RAD51B: variants seen among roughly 807,000 people sequenced by gnomAD.
RAD51B encodes the protein RAD51 paralog B, also known as DNA repair protein RAD51 homolog 2.
In RAD51B, 38 loss-of-function variants were observed where a neutral mutation model predicts 42.2. That is an observed-to-expected ratio of 0.90 (90% confidence interval 0.70 to 1.18). The LOEUF is 1.18. Ranked by LOEUF, RAD51B falls within the 50% of genes most tolerant of loss-of-function variation. The probability of loss-of-function intolerance (pLI) is 0.00; values close to 1 mark genes in which losing one functional copy is unlikely to be tolerated. For missense variants in RAD51B, 373 were observed against 400.7 expected (o/e 0.93, Z 0.59); for synonymous variants, 154 against 145.2 (o/e 1.06, Z -0.43).
At chr14:68,383,801 TC>T in intron 8 of RAD51B, among the ~76,000 whole-genome samples, 1 of 152,284 alleles carries the variant, frequency 6.6e-6, no homozygotes, top group African/African-American at 2.4e-5. Context: ...TACAAATATT[TC>T]CCCAGGCATC....
intron 9 of RAD51B, among the ~76,000 whole-genome samples, chr14:68,414,406 T>C (rs2084496646): frequency 6.6e-6 from 1 of 152,216 alleles, no homozygotes; most frequent in Admixed American, 6.5e-5. Context: ...TTGCAACATT[T>C]TTATTCTTAC....
chr14:67,982,041 A>G (rs1358850262), intron 7 of RAD51B, among the ~76,000 whole-genome samples: 1 of 152,110 alleles, frequency 6.6e-6, no homozygotes, highest in Non-Finnish European at 1.5e-5. Flanking sequence ...GGTTCAAGCA[A>G]TTCTCCTGCC....
chr14:68,375,161 A>G (rs932688267), intron 8 of RAD51B, among the ~76,000 whole-genome samples: 4 of 152,058 alleles, frequency 2.6e-5, no homozygotes, highest in African/African-American at 4.8e-5. Context: ...CTTAATCTTA[A>G]GAAATAGCAC....
chr14:68,454,237 T>C (rs1238663084), intron 9 of RAD51B, among the ~76,000 whole-genome samples: 1 of 152,196 alleles, frequency 6.6e-6, no homozygotes, highest in African/African-American at 2.4e-5. Flanking sequence ...ATAACCAAGA[T>C]AGATACTGAA....
intron 7 of RAD51B, among the ~76,000 whole-genome samples, chr14:68,138,734 T>C (rs963548475): frequency 1.3e-5 from 2 of 152,192 alleles, no homozygotes; most frequent in African/African-American, 4.8e-5. Flanking sequence ...AAATTATCTT[T>C]TTAAAAAATA....
chr14:67,893,516 A>AAAAAAAC (rs1485994919), intron 7 of RAD51B, among the ~76,000 whole-genome samples: 6 of 102,864 alleles, frequency 5.8e-5, no homozygotes, highest in African/African-American at 1.5e-4. Context: ...ACACAAAAAA[A>AAAAAAAC]AACAATTAGC....
At chr14:68,603,778 C>T (rs371908168) in intron 10 of RAD51B, among the ~76,000 whole-genome samples, 4 of 152,342 alleles carry the variant, frequency 2.6e-5, no homozygotes, top group South Asian at 2.1e-4. Context: ...CTGCACACGC[C>T]GCGTCTCGCC....
At chr14:68,244,930 A>T (rs1041306097) in intron 7 of RAD51B, among the ~76,000 whole-genome samples, 1 of 152,218 alleles carries the variant, frequency 6.6e-6, no homozygotes, top group African/African-American at 2.4e-5. Flanking sequence ...AAAGAAAACA[A>T]TGTCCTAACA....
intron 4 of RAD51B, among the ~76,000 whole-genome samples, chr14:67,840,968 A>C (rs2041407428): frequency 6.6e-6 from 1 of 151,976 alleles, no homozygotes; most frequent in Non-Finnish European, 1.5e-5. Flanking sequence ...TGCCCAGCTA[A>C]TTTTATTTTT....
chr14:67,864,871 C>T lies in RAD51B; in HGVS notation c.316-132C>T, dbSNP rs1406792947. On this transcript the variant is annotated intron_variant, in intron 4 of 10. Coordinates refer to ENST00000471583, the MANE Select transcript of RAD51B (RefSeq NM_133510.4). Reference sequence around the variant, plus strand: ...CAATGGATGTCTTGGGCTTAATTCTCTCCTGGGAACCCAGGTTAGTTGGAC... The same window carrying T: ...CAATGGATGTCTTGGGCTTAATTCTTTCCTGGGAACCCAGGTTAGTTGGAC... 51 of 1,343,296 alleles carry T rather than the reference C, an allele frequency of 3.8e-5. No individual in the cohort carries two copies. In the Middle Eastern group the frequency reaches 7.2e-4, roughly 19 times the overall value. The allele number at this position is 1,343,296 out of a possible 1,614,324, so 83.2% of individuals were successfully genotyped here.
intron 11 of RAD51B, among the ~76,000 whole-genome samples, chr14:68,660,109 G>A (rs775796664): frequency 2.4e-4 from 36 of 152,238 alleles, no homozygotes; most frequent in Non-Finnish European, 5.1e-4. Flanking sequence ...AAAGCCAGGT[G>A]AGCACTGCCC....
chr14:68,072,502 C>A (rs73284295), intron 7 of RAD51B, among the ~76,000 whole-genome samples: 1 of 151,938 alleles, frequency 6.6e-6, no homozygotes, highest in Non-Finnish European at 1.5e-5. Flanking sequence ...GCTTTACATT[C>A]GCTGGCAGCT....
At chr14:68,542,913 CA>C (rs1888043103) in intron 10 of RAD51B, among the ~76,000 whole-genome samples, 1 of 152,188 alleles carries the variant, frequency 6.6e-6, no homozygotes, top group South Asian at 2.1e-4. Context: ...GGAGACATCC[CA>C]TTGCTTTTTA....
At chr14:68,420,638 A>T (rs1303189074) in intron 9 of RAD51B, among the ~76,000 whole-genome samples, 1 of 152,216 alleles carries the variant, frequency 6.6e-6, no homozygotes. Context: ...TTAGCGTATA[A>T]TGAGCAGTGA....
intron 10 of RAD51B, among the ~76,000 whole-genome samples, chr14:68,526,159 T>G (rs1481971362): frequency 1.3e-5 from 2 of 152,262 alleles, no homozygotes; most frequent in Non-Finnish European, 2.9e-5. Context: ...TATAAAAATG[T>G]TCATTGTTGT....
rs559739362 is a variant in RAD51B, at chr14:68,621,986, C to T, written c.1037-28795C>T. ...TGGCAGATGGGTCAGCACAGGCCCA[C>T]AGAGGGTTCCTCTTCATGTCTTTAC... On this transcript the variant is annotated intron_variant, in intron 10 of 11. Transcript: ENST00000488612. Among the ~76,000 whole-genome samples, 3 of 152,336 alleles carry T rather than the reference C, an allele frequency of 2.0e-5. No individual in the cohort carries two copies. In the South Asian group the frequency reaches 6.2e-4, roughly 32 times the overall value.
intron 7 of RAD51B, among the ~76,000 whole-genome samples, chr14:68,067,569 A>T (rs1221804479): frequency 2.0e-5 from 3 of 152,118 alleles, no homozygotes; most frequent in Non-Finnish European, 4.4e-5. Flanking sequence ...GAGAATTTTG[A>T]AGTCACATTT....
intron 7 of RAD51B, among the ~76,000 whole-genome samples, chr14:68,119,949 T>C (rs1158735643): frequency 6.6e-6 from 1 of 151,258 alleles, no homozygotes; most frequent in African/African-American, 2.4e-5. Context: ...TGTAAAAGTG[T>C]TCCTATTTCT....
At chr14:68,357,438 A>G (rs140219325) in intron 8 of RAD51B, among the ~76,000 whole-genome samples, 32 of 151,996 alleles carry the variant, frequency 2.1e-4, no homozygotes, top group African/African-American at 7.5e-4. Flanking sequence ...AGCTCCTATT[A>G]AGGATGGTAT....
Sources: gnomAD v4.1 joint callset for allele counts (sites outside exome capture counted in the v4.1 genomes callset) on GRCh38, gnomAD v4.1.1 for gene constraint, MANE v1.5 for transcripts, NCBI Gene and HGNC (gene_info 2026-07-23, HGNC 2026-07-21) for gene names.